The following PAK4 variants were observed in gnomAD, a reference collection of about 807,000 sequenced individuals.
PAK4 encodes the protein serine/threonine-protein kinase PAK 4.
PAK4 carries 49 observed loss-of-function variants against 53.5 expected under a neutral mutation model. That is an observed-to-expected ratio of 0.92 (90% CI 0.73 to 1.16). The LOEUF is 1.16. Ranked by LOEUF, PAK4 falls within the 50% of genes most tolerant of loss-of-function variation. PAK4 has a pLI of 0.00. For synonymous variants in PAK4, 376 were observed against 375.6 expected, an observed-to-expected ratio of 1.00 and a Z score of -0.01; for missense variants, 824 against 850.7, an observed-to-expected ratio of 0.97 and a Z score of 0.39.
At chr19:39,135,736 A>C (rs2073800629) in intron 1 of PAK4, among the ~76,000 whole-genome samples, 1 of 152,034 alleles carries the variant, frequency 6.6e-6, no homozygotes. Flanking sequence ...GTGGGAACAC[A>C]GACCTCGACT....
chr19:39,174,105 G>A (rs1426431036), intron 4 of PAK4, 95 bp downstream of exon 5: 4 of 780,952 alleles, frequency 5.1e-6, no homozygotes, highest in Non-Finnish European at 7.8e-6. Context: ...ACTCCTCCGT[G>A]CTGGGCCAGG....
rs187138085 is a variant in PAK4, at chr19:39,158,201, A to G, written c.-22-11331A>G. 3.5e-3 allele frequency among the ~76,000 whole-genome samples: 519 copies of G among 149,398 alleles called. 1 individual carries two copies. Among genetic ancestry groups the G allele is most frequent in the South Asian group, 0.011 (50 of 4,676 alleles). On this transcript the variant is annotated intron_variant, in intron 1 of 8. Transcript: ENST00000358301. ...TGTGCATGTGTGTGAGCGTGCATGT[A>G]TGTGCATGTGTGGGTGTGCGTGTGT...
At chr19:39,133,914 C>T (rs540161943) in intron 1 of PAK4, among the ~76,000 whole-genome samples, 90 of 152,262 alleles carry the variant, frequency 5.9e-4, no homozygotes, top group African/African-American at 1.8e-3. Context: ...TCCCTCACTG[C>T]GCCCACAGTC....
intron 1 of PAK4, among the ~76,000 whole-genome samples, chr19:39,144,927 A>G (rs1032373873): frequency 6.6e-6 from 1 of 152,186 alleles, no homozygotes; most frequent in African/African-American, 2.4e-5. Flanking sequence ...AAAATCTGAC[A>G]TGTGTACAGA....
Position 39,178,537 on chromosome 19 carries a change from T to G in PAK4, c.1734T>G (p.Pro578=). 6.2e-7 allele frequency: 1 copy of G among 1,610,710 alleles called. No homozygotes were observed. The highest frequency in any genetic ancestry group is 8.5e-7 in the Non-Finnish European group (1 of 1,178,910). ...CATTCCTGGCCAAGGCAGGGCCGCC[T>G]GCCAGCATCGTGCCCCTCATGCGCC... is the stretch of plus-strand genomic sequence containing the variant. Residue 578 remains proline, a synonymous_variant, in exon 9 of 9, where the codon CCT becomes CCG. Coordinates refer to ENST00000358301, the Ensembl canonical transcript of PAK4. The surrounding 1 kb of genome is among the most constrained non-coding windows in gnomAD (Gnocchi z 4.4).
intron 1 of PAK4, among the ~76,000 whole-genome samples, chr19:39,147,838 C>CG (rs2074025427): frequency 4.7e-5 from 2 of 42,600 alleles, no homozygotes; most frequent in African/African-American, 2.1e-4. Flanking sequence ...TGTTTGTTTT[C>CG]GGGTTTTTTT....
intron 7 of PAK4, 67 bp from the exon 9 acceptor site, chr19:39,177,608 C>A (rs987166298): frequency 9.1e-6 from 14 of 1,532,714 alleles, no homozygotes; most frequent in Non-Finnish European, 1.1e-5. Context: ...GCGGTCCCTG[C>A]CTGAGGCCTC....
At chr19:39,169,293 G>A (rs781644329) in intron 1 of PAK4, among the ~76,000 whole-genome samples, 1 of 152,116 alleles carries the variant, frequency 6.6e-6, no homozygotes, top group Admixed American at 6.5e-5. Flanking sequence ...TGGGCCCGCA[G>A]GAGACAGAGC....
At chr19:39,135,427 C>T (rs1343977061) in intron 1 of PAK4, among the ~76,000 whole-genome samples, 2 of 148,344 alleles carry the variant, frequency 1.3e-5, no homozygotes, top group African/African-American at 4.9e-5. Context: ...CCTCCGCTTC[C>T]CAGATCCAAG....
chr19:39,177,781 T>C, exon 8 of PAK4: 1 of 1,613,376 alleles, frequency 6.2e-7, no homozygotes, highest in South Asian at 1.1e-5. Flanking sequence ...CGGGACAACC[T>C]GCCACCCCGA....
At chr19:39,174,119 C>G (rs2074553360) in intron 4 of PAK4, 109 bp downstream of exon 5, 1 of 728,364 alleles carries the variant, frequency 1.4e-6, no homozygotes, top group Non-Finnish European at 2.3e-6. Flanking sequence ...GGCCAGGCTC[C>G]CCTCCTCCCC....
chr19:39,157,605 C>T (rs2074207794), intron 1 of PAK4, among the ~76,000 whole-genome samples: 1 of 152,202 alleles, frequency 6.6e-6, no homozygotes. Context: ...GCTGGTGCCC[C>T]ATATTCTAGA....
chr19:39,155,930 G>A (rs1053965914), intron 1 of PAK4, among the ~76,000 whole-genome samples: 105 of 152,242 alleles, frequency 6.9e-4, no homozygotes, highest in African/African-American at 2.3e-3. Context: ...GCCTTGTCAC[G>A]TTGAGCTGCC....
Position 39,149,407 on chromosome 19 carries a change from C to T in PAK4, c.-22-20125C>T, listed in dbSNP as rs556549309. 1.7e-4 allele frequency among the ~76,000 whole-genome samples: 26 copies of T among 152,282 alleles called. 1 individual carries two copies. In the South Asian group the frequency reaches 3.9e-3, roughly 23 times the overall value. ...AGCCAGACACAGAAGGAGAAATCCT[C>T]TATGATTCCACTTGTACGAAGGACC... On this transcript the variant is annotated intron_variant, in intron 1 of 8. Coordinates refer to ENST00000358301, the Ensembl canonical transcript of PAK4.
At chr19:39,162,510 C>T (rs1417982273) in intron 1 of PAK4, among the ~76,000 whole-genome samples, 3 of 152,162 alleles carry the variant, frequency 2.0e-5, no homozygotes, top group Non-Finnish European at 4.4e-5. Flanking sequence ...TCAAGCGATC[C>T]TCCCTCCTTG....
chr19:39,127,669 G>A (rs1600291589), intron 1 of PAK4, among the ~76,000 whole-genome samples: 1 of 152,146 alleles, frequency 6.6e-6, no homozygotes, highest in East Asian at 1.9e-4. Context: ...AGGGCACTCA[G>A]TTCCCTGGTG....
intron 1 of PAK4, among the ~76,000 whole-genome samples, chr19:39,167,653 C>T (rs1207864253): frequency 2.0e-5 from 3 of 152,164 alleles, no homozygotes; most frequent in African/African-American, 7.2e-5. Flanking sequence ...CTCTTGGGAC[C>T]AGCTGAGACA....
At chr19:39,176,311 A>G (rs1003833765) in intron 6 of PAK4, among the ~76,000 whole-genome samples, 4 of 152,116 alleles carry the variant, frequency 2.6e-5, no homozygotes, top group Non-Finnish European at 5.9e-5. Context: ...TGCCTTTGCT[A>G]TCTGCAGTAC....
downstream of PAK4, chr19:39,182,032 C>T (rs2074704906): frequency 6.6e-6 from 1 of 152,230 alleles, no homozygotes; most frequent in Non-Finnish European, 1.5e-5. Context: ...CTGTATTTAA[C>T]ACACCCTCCG....
Sources: allele counts gnomAD v4.1 joint callset (sites outside exome capture counted in the v4.1 genomes callset), GRCh38; gene constraint gnomAD v4.1.1; non-coding constraint Gnocchi (gnomAD v3.1); transcripts MANE v1.5; gene names NCBI Gene and HGNC (gene_info 2026-07-23, HGNC 2026-07-21).